Variants in TMEM161A observed in about 807,000 individuals in gnomAD.
TMEM161A encodes transmembrane protein 161A.
In TMEM161A, 46 loss-of-function variants were observed where a neutral mutation model predicts 57.1. The observed-to-expected ratio is 0.81, with a 90% confidence interval of 0.64 to 1.03. TMEM161A has a LOEUF of 1.03. TMEM161A is among the 50% of genes least tolerant of loss of function. The probability of loss-of-function intolerance (pLI) is 0.00; values close to 1 mark genes in which losing one functional copy is unlikely to be tolerated. For synonymous variants in TMEM161A, 288 were observed against 279.0 expected, an observed-to-expected ratio of 1.03 and a Z score of -0.32; for missense variants, 601 against 621.5, an observed-to-expected ratio of 0.97 and a Z score of 0.35.
chr19:19,125,969 A>G (rs2059928966), intron 6 of TMEM161A, among the ~76,000 whole-genome samples: 1 of 150,488 alleles, frequency 6.6e-6, no homozygotes, highest in South Asian at 2.1e-4. Context: ...TCTCTAGTAA[A>G]AAATACAAAA....
intron 6 of TMEM161A, among the ~76,000 whole-genome samples, chr19:19,127,681 G>C (rs1226153144): frequency 6.6e-6 from 1 of 151,900 alleles, no homozygotes; most frequent in Admixed American, 6.6e-5. Context: ...TGTCATCCCA[G>C]CACGTTGGGA....
In TMEM161A at chr19:19,121,429, G is replaced by A. The variant is rs2059909885; in HGVS notation, c.801-8C>T. On this transcript the variant is annotated splice_polypyrimidine_tract_variant and splice_region_variant and intron_variant, in intron 8 of 11. Coordinates refer to ENST00000162044, the MANE Select transcript of TMEM161A (RefSeq NM_017814.3). This position sits in a 1 kb window ranked among gnomAD's most constrained non-coding sequence, Gnocchi z 5.8. Reference sequence around the variant, plus strand: ...CTGGTGTGCAGGAGGAACCTGGGGGGTGAGGGCAGGAGGGAGTGAGGCCTG... The same window carrying A: ...CTGGTGTGCAGGAGGAACCTGGGGGATGAGGGCAGGAGGGAGTGAGGCCTG... The A allele has an allele frequency of 3.7e-6, 6 of 1,613,882 alleles. No homozygotes were observed. The East Asian group carries it at 8.9e-5, about 24-fold the overall frequency.
At position 19,121,640 on chromosome 19, in the gene TMEM161A, C is replaced by G. The variant is rs142963150; in HGVS notation, c.685G>C (p.Val229Leu). 5 of 1,613,778 alleles carry G rather than the reference C, an allele frequency of 3.1e-6. No individual in the cohort carries two copies. Among genetic ancestry groups the G allele is most frequent in the Non-Finnish European group, 4.2e-6 (5 of 1,179,864 alleles). ...ACAGAGCCCACCACTGCCAGTCCCA[C>G]GCGGATAGCCAGCTTGGCCACAGGA... ...ALPVAKLAIR[V>L]GLAVVGSVLG... The change falls in exon 8 of 12, where the codon GTG becomes CTG. Residue 229 changes from valine (V) to leucine (L), a missense_variant. By Grantham distance (32) the Val-to-Leu change is conservative. Transcript: ENST00000162044. The surrounding 1 kb of genome is among the most constrained non-coding windows in gnomAD (Gnocchi z 5.8).
intron 6 of TMEM161A, among the ~76,000 whole-genome samples, chr19:19,127,239 T>C (rs2059934800): frequency 6.6e-6 from 1 of 151,886 alleles, no homozygotes; most frequent in Non-Finnish European, 1.5e-5. Flanking sequence ...AAGCCAAAAG[T>C]TGGGAACAAC....
chr19:19,133,739 TG>T (rs1198132698), intron 2 of TMEM161A, among the ~76,000 whole-genome samples: 2 of 152,166 alleles, frequency 1.3e-5, no homozygotes, highest in African/African-American at 4.8e-5. Flanking sequence ...CCCAAAGGGC[TG>T]GGATTACAGG....
chr19:19,131,394 T>A (rs2059957484), intron 5 of TMEM161A, among the ~76,000 whole-genome samples: 2 of 151,918 alleles, frequency 1.3e-5, no homozygotes, highest in African/African-American at 4.8e-5. Flanking sequence ...GGCAGGAGAA[T>A]CACTTGAAGC....
chr19:19,119,663 G>A lies in TMEM161A; in HGVS notation c.*267C>T. ...CTTTATTTGTTCAGAAGAGCAGCCA[G>A]CATCACCCTTGCCACTCAAACCTGG... On this transcript the variant is annotated 3_prime_UTR_variant, in exon 12 of 12. Coordinates refer to ENST00000162044, the MANE Select transcript of TMEM161A (RefSeq NM_017814.3). 1 of 522,424 alleles carries A rather than the reference G, an allele frequency of 1.9e-6. No individual in the cohort carries two copies. Among genetic ancestry groups the A allele is most frequent in the Non-Finnish European group, 3.5e-6 (1 of 289,170 alleles). 32.4% of individuals were successfully genotyped at this position (522,424 alleles called of 1,614,324 possible).
chr19:19,130,091 C>A, intron 6 of TMEM161A, 65 bp downstream of exon 6: 1 of 1,585,250 alleles, frequency 6.3e-7, no homozygotes, highest in South Asian at 1.1e-5. Flanking sequence ...CCAGTTAAAC[C>A]ATCTTGGTCA....
In TMEM161A at chr19:19,134,742, C is replaced by A; in HGVS notation, c.107+42G>T. 5 of 1,428,002 alleles carry A rather than the reference C, an allele frequency of 3.5e-6. 1 individual carries two copies. The South Asian group carries it at 6.2e-5, about 18-fold the overall frequency. The allele number at this position is 1,428,002 out of a possible 1,614,324, so 88.5% of individuals were successfully genotyped here. A position where few individuals can be genotyped will look rare whatever the true frequency, so the allele number is the denominator to read the frequency against. ...CGGGGCGTGGGGAGCCAGAAGGGGG[C>A]GTGACTCCGCGGGCCCCTCCCACCG... On this transcript the variant is annotated intron_variant, in intron 2 of 11. Transcript: ENST00000162044.
Position 19,132,065 on chromosome 19 carries a change from G to C in TMEM161A, c.443+287C>G, listed in dbSNP as rs566291170. Among the ~76,000 whole-genome samples the C allele has an allele frequency of 4.9e-4, 75 of 152,332 alleles. No homozygotes were observed. Among genetic ancestry groups the C allele is most frequent in the African/African-American group, 1.7e-3 (69 of 41,576 alleles). ...CAAGGAGAATGTGGTAGAAAGAATA[G>C]GGATGGGGTGGGTGACTTTGGGCAA... On this transcript the variant is annotated intron_variant, in intron 5 of 11. Transcript: ENST00000162044. The surrounding 1 kb of genome is among the most constrained non-coding windows in gnomAD (Gnocchi z 4.3).
chr19:19,121,867 C>A lies in TMEM161A; in HGVS notation c.596-48G>T. 1 of 1,602,304 alleles carries A rather than the reference C, an allele frequency of 6.2e-7. No individual in the cohort carries two copies. The highest frequency in any genetic ancestry group is 8.5e-7 in the Non-Finnish European group (1 of 1,172,598). On this transcript the variant is annotated intron_variant, in intron 6 of 11. Coordinates refer to ENST00000162044, the MANE Select transcript of TMEM161A (RefSeq NM_017814.3). The surrounding 1 kb of genome is among the most constrained non-coding windows in gnomAD (Gnocchi z 5.8). Reference sequence around the variant, plus strand: ...CGAGTAGAGTGAATTCCTAGGGTCTCTAAGGCCACTCTGTTCCCTAACCCC... The same window carrying A: ...CGAGTAGAGTGAATTCCTAGGGTCTATAAGGCCACTCTGTTCCCTAACCCC...
At position 19,121,442 on chromosome 19, in the gene TMEM161A, G is replaced by T; in HGVS notation, c.801-21C>A. 6.2e-7 allele frequency: 1 copy of T among 1,613,760 alleles called. No individual in the cohort carries two copies. The highest frequency in any genetic ancestry group is 1.1e-5 in the South Asian group (1 of 91,082). On this transcript the variant is annotated intron_variant, in intron 8 of 11. Transcript: ENST00000162044. The surrounding 1 kb of genome is among the most constrained non-coding windows in gnomAD (Gnocchi z 5.8). ...GGAACCTGGGGGGTGAGGGCAGGAGGGAGTGAGGCCTGGGTACCCCCTCTC... is the reference window on the plus strand; with the variant it reads ...GGAACCTGGGGGGTGAGGGCAGGAGTGAGTGAGGCCTGGGTACCCCCTCTC...
At chr19:19,120,935 G>A in intron 10 of TMEM161A, 57 bp downstream of exon 10, 1 of 1,610,952 alleles carries the variant, frequency 6.2e-7, no homozygotes, top group Non-Finnish European at 8.5e-7. Context: ...CAAAGGACCA[G>A]GAACCCCACC....
intron 1 of TMEM161A, among the ~76,000 whole-genome samples, chr19:19,138,197 T>C (rs1166117101): frequency 6.6e-6 from 1 of 152,166 alleles, no homozygotes; most frequent in Non-Finnish European, 1.5e-5. Flanking sequence ...CCAGAACGCT[T>C]AGGGGCTTCT....
At chr19:19,123,787 C>T (rs906999175) in intron 6 of TMEM161A, among the ~76,000 whole-genome samples, 4 of 152,106 alleles carry the variant, frequency 2.6e-5, no homozygotes, top group African/African-American at 9.7e-5. Context: ...ATAGGCCAGG[C>T]GCGGTGGCTC....
intron 5 of TMEM161A, 30 bp from the exon 6 acceptor site, chr19:19,130,337 TGCCA>T (rs1395696593): frequency 6.2e-7 from 1 of 1,610,052 alleles, no homozygotes; most frequent in African/African-American, 1.3e-5. Flanking sequence ...AGGCCTCAGG[TGCCA>T]CTGCCCCACT....
chr19:19,122,226 G>A (rs566607526), intron 6 of TMEM161A, among the ~76,000 whole-genome samples: 18 of 152,162 alleles, frequency 1.2e-4, no homozygotes, highest in Non-Finnish European at 2.2e-4. Flanking sequence ...CATGGGGAGC[G>A]GAGGTTGCAG....
Position 19,121,595 on chromosome 19 carries a change from A to C in TMEM161A, c.730T>G (p.Phe244Val). The C allele has an allele frequency of 6.2e-7, 1 of 1,613,994 alleles. No individual in the cohort carries two copies. The highest frequency in any genetic ancestry group is 8.5e-7 in the Non-Finnish European group (1 of 1,179,980). The change falls in exon 8 of 12, where the codon TTC becomes GTC. Residue 244 changes from phenylalanine to valine, a missense_variant. By Grantham distance (50) the Phe-to-Val change is conservative (BLOSUM62 -1). Coordinates refer to ENST00000162044, the MANE Select transcript of TMEM161A (RefSeq NM_017814.3). This position sits in a 1 kb window ranked among gnomAD's most constrained non-coding sequence, Gnocchi z 5.8. ...VGSVLGAFLTFPGLRLAQTHR... is the reference protein window; with the variant it reads ...VGSVLGAFLTVPGLRLAQTHR... ...GTCTGGGCCAGCCGCAGGCCTGGGA[A>C]GGTGAGGAAGGCACCCAGCACAGAG... is the stretch of plus-strand genomic sequence containing the variant.
At chr19:19,126,986 G>C (rs1030338359) in intron 6 of TMEM161A, among the ~76,000 whole-genome samples, 6 of 150,790 alleles carry the variant, frequency 4.0e-5, no homozygotes, top group African/African-American at 1.5e-4. Flanking sequence ...GGCAAAGGTT[G>C]CAGTGAGTGG....
Sources: gnomAD v4.1 joint callset for allele counts (sites outside exome capture counted in the v4.1 genomes callset) on GRCh38, gnomAD v4.1.1 for gene constraint, Gnocchi (gnomAD v3.1) non-coding constraint, MANE v1.5 for transcripts, NCBI Gene and HGNC (gene_info 2026-07-23, HGNC 2026-07-21) for gene names.